Variants in ZNF362 observed in about 807,000 individuals in gnomAD.
ZNF362 encodes the protein rotund homolog.
Under a neutral mutation model 42.9 loss-of-function variants are expected in ZNF362, and 11 were observed. That is an observed-to-expected ratio of 0.26 (90% CI 0.16 to 0.42). The LOEUF is 0.42. Ranked by LOEUF, ZNF362 falls within the 20% of genes least tolerant of loss-of-function variation. The pLI is 1.00. For synonymous variants in ZNF362, 255 were observed against 257.3 expected, an observed-to-expected ratio of 0.99 and a Z score of 0.09; for missense variants, 362 against 576.2, an observed-to-expected ratio of 0.63 and a Z score of 3.81.
chr1:33,165,521 C>T, the ZNF362 span: 25 of 1,610,904 alleles, frequency 1.6e-5, no homozygotes, highest in Admixed American at 4.2e-4. The surrounding 1 kb of genome is among the most constrained non-coding windows in gnomAD (Gnocchi z 4.0). Context: ...TCGGTGTGTT[C>T]CCGCTCGCTG....
At chr1:33,172,180 CTCAA>C in the ZNF362 span, among the ~76,000 whole-genome samples, 1 of 152,206 alleles carries the variant, frequency 6.6e-6, no homozygotes, top group African/African-American at 2.4e-5. Flanking sequence ...ACAGGGTGAG[CTCAA>C]TCAATCTTAG....
intron 6 of ZNF362, among the ~76,000 whole-genome samples, chr1:33,291,200 C>G (rs902450687): frequency 2.6e-5 from 4 of 152,038 alleles, no homozygotes; most frequent in African/African-American, 7.2e-5. Context: ...GGTTTTAGGT[C>G]TAACATTTAA....
At chr1:33,226,518 A>G in the ZNF362 span, among the ~76,000 whole-genome samples, 4 of 152,212 alleles carry the variant, frequency 2.6e-5, no homozygotes, top group Admixed American at 2.6e-4. Context: ...TTTGGCCATA[A>G]AAAGTAACGA....
At chr1:33,291,078 G>A (rs1307478402) in intron 6 of ZNF362, among the ~76,000 whole-genome samples, 4 of 152,206 alleles carry the variant, frequency 2.6e-5, no homozygotes, top group African/African-American at 7.2e-5. Context: ...ATTGGGTCCC[G>A]TTTGTCAATT....
chr1:33,238,385 T>A, the ZNF362 span, among the ~76,000 whole-genome samples: 18 of 111,730 alleles, frequency 1.6e-4, no homozygotes, highest in African/African-American at 3.9e-4. Flanking sequence ...ATAAAATAAA[T>A]AAAATAAAAT....
chr1:33,169,480 C>T, the ZNF362 span, among the ~76,000 whole-genome samples: 1 of 152,172 alleles, frequency 6.6e-6, no homozygotes, highest in Non-Finnish European at 1.5e-5. Flanking sequence ...AAGTGCCCTG[C>T]ACAGCAGCTG....
intron 2 of ZNF362, among the ~76,000 whole-genome samples, chr1:33,272,888 T>C (rs1645914700): frequency 6.6e-6 from 1 of 152,252 alleles, no homozygotes; most frequent in Admixed American, 6.5e-5. Context: ...CTTTCACATC[T>C]CCACACCTTT....
chr1:33,161,804 C>A, the ZNF362 span, among the ~76,000 whole-genome samples: 1 of 152,188 alleles, frequency 6.6e-6, no homozygotes, highest in African/African-American at 2.4e-5. This position sits in a 1 kb window ranked among gnomAD's most constrained non-coding sequence, Gnocchi z 4.3. Flanking sequence ...CAGCACTTAG[C>A]CCACTCGCCA....
the ZNF362 span, among the ~76,000 whole-genome samples, chr1:33,200,854 A>T: frequency 6.6e-6 from 1 of 152,222 alleles, no homozygotes; most frequent in Non-Finnish European, 1.5e-5. Context: ...TAAAGAGATA[A>T]TCAGGTTAAA....
chr1:33,297,636 C>T (rs377191135), intron 8 of ZNF362, among the ~76,000 whole-genome samples: 125 of 151,762 alleles, frequency 8.2e-4, no homozygotes, highest in East Asian at 5.2e-3. Context: ...CTCAGCCTCC[C>T]GAGTAGCTGG....
At chr1:33,273,422 G>A (rs1257703534) in intron 2 of ZNF362, among the ~76,000 whole-genome samples, 1 of 152,174 alleles carries the variant, frequency 6.6e-6, no homozygotes, top group African/African-American at 2.4e-5. Flanking sequence ...TCCCAGCTGT[G>A]GTACCCTGGG....
At chr1:33,192,249 T>A in the ZNF362 span, among the ~76,000 whole-genome samples, 1 of 152,146 alleles carries the variant, frequency 6.6e-6, no homozygotes, top group Admixed American at 6.5e-5. Context: ...TGCCTCCACA[T>A]CTCTCAGATG....
Position 33,281,871 on chromosome 1 carries a change from C to A in ZNF362, c.908+60C>A. ...ACTCAGCTCAGCACCCGTGGCCTGGCACATGGAGCCAGTGCAAGGAGGGGC... is the reference window on the plus strand; with the variant it reads ...ACTCAGCTCAGCACCCGTGGCCTGGAACATGGAGCCAGTGCAAGGAGGGGC... On this transcript the variant is annotated intron_variant, in intron 6 of 8. Coordinates refer to ENST00000539719, the MANE Select transcript of ZNF362 (RefSeq NM_152493.3). The surrounding 1 kb of genome is among the most constrained non-coding windows in gnomAD (Gnocchi z 4.8). 1 of 1,569,312 alleles carries A rather than the reference C, an allele frequency of 6.4e-7. No individual in the cohort carries two copies. The highest frequency in any genetic ancestry group is 8.7e-7 in the Non-Finnish European group (1 of 1,145,254).
chr1:33,146,223 A>G, the ZNF362 span: 1 of 229,838 alleles, frequency 4.4e-6, no homozygotes, highest in Non-Finnish European at 8.8e-6. Flanking sequence ...TAAACCAGCT[A>G]CAAGTGGCTC....
the ZNF362 span, chr1:33,158,430 GC>G: frequency 7.1e-7 from 1 of 1,408,552 alleles, no homozygotes; most frequent in Non-Finnish European, 1.0e-6. Flanking sequence ...AATGCCAGGG[GC>G]CCCGCAGCCA....
chr1:33,289,871 C>T (rs1311412701), intron 6 of ZNF362, among the ~76,000 whole-genome samples: 1 of 152,166 alleles, frequency 6.6e-6, no homozygotes, highest in East Asian at 1.9e-4. Flanking sequence ...TCTTTGTTTC[C>T]TGCGAGGTGG....
chr1:33,187,021 CA>C, the ZNF362 span, among the ~76,000 whole-genome samples: 1 of 151,762 alleles, frequency 6.6e-6, no homozygotes, highest in East Asian at 2.0e-4. Flanking sequence ...CATAAGGGTG[CA>C]CTATTATCAC....
chr1:33,187,271 G>A, the ZNF362 span, among the ~76,000 whole-genome samples: 1 of 152,230 alleles, frequency 6.6e-6, no homozygotes, highest in Non-Finnish European at 1.5e-5. Flanking sequence ...CTACCATGTG[G>A]ATGCTGGCAG....
chr1:33,198,665 T>A, the ZNF362 span, among the ~76,000 whole-genome samples: 4 of 133,734 alleles, frequency 3.0e-5, no homozygotes, highest in Non-Finnish European at 6.4e-5. Flanking sequence ...AGATCCTGTA[T>A]CAAAAATTTA....
Sources: allele counts gnomAD v4.1 joint callset (sites outside exome capture counted in the v4.1 genomes callset), GRCh38; gene constraint gnomAD v4.1.1; non-coding constraint Gnocchi (gnomAD v3.1); transcripts MANE v1.5; gene names NCBI Gene and HGNC (gene_info 2026-07-23, HGNC 2026-07-21).